The following SLC2A4 variants were observed in gnomAD, a reference collection of about 807,000 sequenced individuals.
The protein encoded by SLC2A4 is solute carrier family 2, facilitated glucose transporter member 4.
In SLC2A4, 31 loss-of-function variants were observed where a neutral mutation model predicts 53.3. The observed-to-expected ratio is 0.58, with a 90% CI of 0.44 to 0.78. The LOEUF is 0.78. Ranked by LOEUF, SLC2A4 falls within the 30% of genes least tolerant of loss-of-function variation. The pLI is 0.00. For synonymous variants in SLC2A4, 276 were observed against 281.9 expected (o/e 0.98, Z 0.21); for missense variants, 538 against 655.7 (o/e 0.82, Z 1.96).
Position 7,285,251 on chromosome 17 carries a change from C to G in SLC2A4, c.1122+62C>G, listed in dbSNP as rs2072439839. 7.4e-7 allele frequency: 1 copy of G among 1,352,700 alleles called. No homozygotes were observed. Among genetic ancestry groups the G allele is most frequent in the Non-Finnish European group, 1.0e-6 (1 of 971,466 alleles). The allele number at this position is 1,352,700 out of a possible 1,614,324, so 83.8% of individuals were successfully genotyped here. A position where few individuals can be genotyped will look rare whatever the true frequency, so the allele number is the denominator to read the frequency against. ...CCCATGGGAATGGTCCTGTGAGTCT[C>G]TGTGACCAGCCAGGGTCCCTTCTTA... On this transcript the variant is annotated intron_variant, in intron 9 of 10. Coordinates refer to ENST00000317370, the MANE Select transcript of SLC2A4 (RefSeq NM_001042.3). This position sits in a 1 kb window ranked among gnomAD's most constrained non-coding sequence, Gnocchi z 6.0.
rs1333698996 is a variant in SLC2A4, at chr17:7,284,885, T to C, written c.966T>C (p.Pro322=). ...TCGAGACAGCAGGGGTAGGCCAGCC[T>C]GCCTATGCCACCATAGGAGCTGGTG... The part of the protein sequence containing the change: ...SIFETAGVGQ[P]AYATIGAGVV... Residue 322 remains proline (P), a synonymous_variant, in exon 8 of 11, where the codon CCT becomes CCC. Coordinates refer to ENST00000317370, the MANE Select transcript of SLC2A4 (RefSeq NM_001042.3). The surrounding 1 kb of genome is among the most constrained non-coding windows in gnomAD (Gnocchi z 7.5). The C allele has an allele frequency of 1.9e-6, 3 of 1,614,026 alleles. No homozygotes were observed. In the East Asian group the frequency reaches 6.7e-5, roughly 36 times the overall value.
intron 10 of SLC2A4, 38 bp from the exon 11 acceptor site, chr17:7,286,388 C>T: frequency 6.3e-7 from 1 of 1,592,860 alleles, no homozygotes; most frequent in South Asian, 1.1e-5. Context: ...TCCCTCCCCA[C>T]CTCACTCCGT....
rs1428903102 is a variant in SLC2A4, at chr17:7,284,115, C to T, written c.564+26C>T. Reference sequence around the variant, plus strand: ...GTGACCGGAGCAAGCCTCATGGGTGCCTGGGCAGTGGTTAGAGTGGGGCTC... The same window carrying T: ...GTGACCGGAGCAAGCCTCATGGGTGTCTGGGCAGTGGTTAGAGTGGGGCTC... On this transcript the variant is annotated intron_variant, in intron 5 of 10. Coordinates refer to ENST00000317370, the MANE Select transcript of SLC2A4 (RefSeq NM_001042.3). This position sits in a 1 kb window ranked among gnomAD's most constrained non-coding sequence, Gnocchi z 7.5. 6.2e-7 allele frequency: 1 copy of T among 1,611,254 alleles called. No homozygotes were observed. The highest frequency in any genetic ancestry group is 8.5e-7 in the Non-Finnish European group (1 of 1,177,880).
Position 7,283,284 on chromosome 17 carries a change from G to C in SLC2A4, c.73G>C (p.Val25Leu), listed in dbSNP as rs143506382. The change falls in exon 2 of 11, where the codon GTC (valine) becomes CTC (leucine). Residue 25 changes from valine to leucine, a missense_variant. Physicochemically the swap from Val to Leu is conservative, Grantham distance 32. Transcript: ENST00000317370. This position sits in a 1 kb window ranked among gnomAD's most constrained non-coding sequence, Gnocchi z 5.8. ...TCAGCAGCGAGTGACTGGGACCCTG[G>C]TCCTTGCTGTGTTCTCTGCGGTGCT... ...PPQQRVTGTL[V>L]LAVFSAVLGS... 3 of 1,614,076 alleles carry C rather than the reference G, an allele frequency of 1.9e-6. No individual in the cohort carries two copies. The highest frequency in any genetic ancestry group is 2.5e-6 in the Non-Finnish European group (3 of 1,180,036).
Position 7,284,775 on chromosome 17 carries a change from G to A in SLC2A4, c.916-60G>A. ...ACACCCAGGGTAGGGCCAGCCTGTT[G>A]TGGCTGGAGTAGAGGAAGGGGCATT... On this transcript the variant is annotated intron_variant, in intron 7 of 10. Coordinates refer to ENST00000317370, the MANE Select transcript of SLC2A4 (RefSeq NM_001042.3). This position sits in a 1 kb window ranked among gnomAD's most constrained non-coding sequence, Gnocchi z 7.5. 1 of 1,608,180 alleles carries A rather than the reference G, an allele frequency of 6.2e-7. No homozygotes were observed. Among genetic ancestry groups the A allele is most frequent in the Non-Finnish European group, 8.5e-7 (1 of 1,174,558 alleles).
rs534792625 is a variant in SLC2A4, at chr17:7,283,720, A to G, written c.324-18A>G. 1.2e-6 allele frequency: 2 copies of G among 1,613,668 alleles called. No homozygotes were observed. The highest frequency in any genetic ancestry group is 4.5e-5 in the East Asian group (2 of 44,852). On this transcript the variant is annotated intron_variant, in intron 3 of 10. Transcript: ENST00000317370. The surrounding 1 kb of genome is among the most constrained non-coding windows in gnomAD (Gnocchi z 5.8). ...TGGGTGCCCTCACCCTCACAGCCTC[A>G]CTCTGTCTGCCTGCCAGGAAAAGGG...
chr17:7,285,684 C>T lies in SLC2A4; in HGVS notation c.1123-21C>T, dbSNP rs375420274. 6 of 1,612,678 alleles carry T rather than the reference C, an allele frequency of 3.7e-6. No individual in the cohort carries two copies. The highest frequency in any genetic ancestry group is 2.2e-5 in the East Asian group (1 of 44,882). ...AGAAAGGCCTCAACTGGATTCTCCA[C>T]CCTCCCTGTCTGGCCCCTAGGAGCG... On this transcript the variant is annotated intron_variant, in intron 9 of 10. Coordinates refer to ENST00000317370, the MANE Select transcript of SLC2A4 (RefSeq NM_001042.3). The surrounding 1 kb of genome is among the most constrained non-coding windows in gnomAD (Gnocchi z 6.0).
Position 7,282,291 on chromosome 17 carries a change from C to T in SLC2A4, c.33+324C>T. ...CTCGATCCGACTCGGGAAAGCAGAT[C>T]CAGGCGGGTCTTGCCCTCCGGGAGC... On this transcript the variant is annotated intron_variant, in intron 1 of 10. Transcript: ENST00000317370. This position sits in a 1 kb window ranked among gnomAD's most constrained non-coding sequence, Gnocchi z 4.1. 1 of 550,510 alleles carries T rather than the reference C, an allele frequency of 1.8e-6. No individual in the cohort carries two copies. The allele number at this position is 550,510 out of a possible 1,614,324, so 34.1% of individuals were successfully genotyped here.
Position 7,282,991 on chromosome 17 carries a change from T to C in SLC2A4, c.34-254T>C, listed in dbSNP as rs1011996445. On this transcript the variant is annotated intron_variant, in intron 1 of 10. Transcript: ENST00000317370. This position sits in a 1 kb window ranked among gnomAD's most constrained non-coding sequence, Gnocchi z 4.1. ...GCCTGTCTCAAGGTCACAGAAGAAT[T>C]TTGAGACAAGTTCTCAAACATTTCT... The C allele has an allele frequency of 2.0e-6, 1 of 497,242 alleles. No homozygotes were observed. Among genetic ancestry groups the C allele is most frequent in the Non-Finnish European group, 3.7e-6 (1 of 270,932 alleles). 30.8% of individuals were successfully genotyped at this position (497,242 alleles called of 1,614,324 possible).
Position 7,282,912 on chromosome 17 carries a change from G to A in SLC2A4, c.34-333G>A, listed in dbSNP as rs1045539783. ...CATCTCACAGAGGACACTCAGGTTC[G>A]GGGCAGGGAAGTGACTTGGCCAAGG... On this transcript the variant is annotated intron_variant, in intron 1 of 10. Coordinates refer to ENST00000317370, the MANE Select transcript of SLC2A4 (RefSeq NM_001042.3). This position sits in a 1 kb window ranked among gnomAD's most constrained non-coding sequence, Gnocchi z 4.1. 7.2e-5 allele frequency: 28 copies of A among 391,086 alleles called. No homozygotes were observed. Among genetic ancestry groups the A allele is most frequent in the South Asian group, 5.1e-4 (24 of 46,650 alleles). The allele number at this position is 391,086 out of a possible 1,614,324, so 24.2% of individuals were successfully genotyped here.
In SLC2A4 at chr17:7,283,286, C is replaced by A. The variant is rs1355407504; in HGVS notation, c.75C>A (p.Val25=). 1.9e-6 allele frequency: 3 copies of A among 1,614,018 alleles called. No homozygotes were observed. In the Admixed American group the frequency reaches 5.0e-5, roughly 27 times the overall value. The change falls in exon 2 of 11, where the codon GTC becomes GTA. Residue 25 remains valine (V), a synonymous_variant. Coordinates refer to ENST00000317370, the MANE Select transcript of SLC2A4 (RefSeq NM_001042.3). This position sits in a 1 kb window ranked among gnomAD's most constrained non-coding sequence, Gnocchi z 5.8. ...AGCAGCGAGTGACTGGGACCCTGGT[C>A]CTTGCTGTGTTCTCTGCGGTGCTTG... is the stretch of plus-strand genomic sequence containing the variant. The part of the protein sequence containing the change: ...PPQQRVTGTL[V]LAVFSAVLGS...
In SLC2A4 at chr17:7,286,643, G is replaced by A. The variant is rs769956366; in HGVS notation, c.*14G>A. 1.2e-6 allele frequency: 2 copies of A among 1,612,484 alleles called. No homozygotes were observed. The highest frequency in any genetic ancestry group is 2.2e-5 in the South Asian group (2 of 91,046). On this transcript the variant is annotated 3_prime_UTR_variant, in exon 11 of 11. Coordinates refer to ENST00000317370, the MANE Select transcript of SLC2A4 (RefSeq NM_001042.3). ...GAGAACGACTGAGGGGCCAGGCAGG[G>A]GTGGGAGAGCCAGCTCTCTCTACCC...
chr17:7,285,554 G>C lies in SLC2A4; in HGVS notation c.1123-151G>C, dbSNP rs2072442558. On this transcript the variant is annotated intron_variant, in intron 9 of 10. Coordinates refer to ENST00000317370, the MANE Select transcript of SLC2A4 (RefSeq NM_001042.3). The surrounding 1 kb of genome is among the most constrained non-coding windows in gnomAD (Gnocchi z 6.0). ...TTGAACCCACTTGGGATAGCCAGCAGAATGCCAGTCAAGGGCCTGCTCTAA... is the reference window on the plus strand; with the variant it reads ...TTGAACCCACTTGGGATAGCCAGCACAATGCCAGTCAAGGGCCTGCTCTAA... 3.9e-6 allele frequency: 3 copies of C among 764,136 alleles called. No homozygotes were observed. The highest frequency in any genetic ancestry group is 6.8e-6 in the Non-Finnish European group (3 of 438,070). The allele number at this position is 764,136 out of a possible 1,614,324, so 47.3% of individuals were successfully genotyped here.
In SLC2A4 at chr17:7,285,492, G is replaced by A. The variant is rs550357970; in HGVS notation, c.1123-213G>A. ...CTTTAGAGTCCAGGGAGAGCTGACC[G>A]TCATAAGAACTGAGAGGCCATAACA... On this transcript the variant is annotated intron_variant, in intron 9 of 10. Coordinates refer to ENST00000317370, the MANE Select transcript of SLC2A4 (RefSeq NM_001042.3). The surrounding 1 kb of genome is among the most constrained non-coding windows in gnomAD (Gnocchi z 6.0). Among the ~76,000 whole-genome samples, 4 of 152,300 alleles carry A rather than the reference G, an allele frequency of 2.6e-5. No homozygotes were observed. Among genetic ancestry groups the A allele is most frequent in the South Asian group, 2.1e-4 (1 of 4,826 alleles).
In SLC2A4 at chr17:7,285,902, T is replaced by C. The variant is rs552135741; in HGVS notation, c.1320T>C (p.Tyr440=). 2 of 1,612,354 alleles carry C rather than the reference T, an allele frequency of 1.2e-6. No individual in the cohort carries two copies. Among genetic ancestry groups the C allele is most frequent in the South Asian group, 1.1e-5 (1 of 91,088 alleles). Residue 440 remains tyrosine (Y), a synonymous_variant, in exon 10 of 11, where the codon TAT becomes TAC. Transcript: ENST00000317370. This position sits in a 1 kb window ranked among gnomAD's most constrained non-coding sequence, Gnocchi z 6.0. ...TCATCATTGGCATGGGTTTCCAGTATGTTGCGGTAGGTCCCCCCGCCCCAG... is the reference window on the plus strand; with the variant it reads ...TCATCATTGGCATGGGTTTCCAGTACGTTGCGGTAGGTCCCCCCGCCCCAG... ...SNFIIGMGFQ[Y]VAEAMGPYVF...
At position 7,283,254 on chromosome 17, in the gene SLC2A4, C is replaced by A. The variant is rs763807880; in HGVS notation, c.43C>A (p.Pro15Thr). 22 of 1,613,656 alleles carry A rather than the reference C, an allele frequency of 1.4e-5. No homozygotes were observed. Among genetic ancestry groups the A allele is most frequent in the Non-Finnish European group, 3.4e-6 (4 of 1,179,598 alleles). ...FQQIGSEDGE[P>T]PQQRVTGTLV... ...GTGTCTGCCTGTTCAGGATGGGGAA[C>A]CCCCTCAGCAGCGAGTGACTGGGAC... is the stretch of plus-strand genomic sequence containing the variant. The change falls in exon 2 of 11, where the codon CCC becomes ACC. Residue 15 changes from proline (P) to threonine (T), a missense_variant. Coordinates refer to ENST00000317370, the MANE Select transcript of SLC2A4 (RefSeq NM_001042.3). The surrounding 1 kb of genome is among the most constrained non-coding windows in gnomAD (Gnocchi z 5.8).
chr17:7,286,000 G>A lies in SLC2A4; in HGVS notation c.1326+92G>A, dbSNP rs1358155444. The A allele has an allele frequency of 2.5e-6, 3 of 1,211,178 alleles. No homozygotes were observed. The highest frequency in any genetic ancestry group is 3.0e-5 in the African/African-American group (2 of 66,098). 75.0% of individuals were successfully genotyped at this position (1,211,178 alleles called of 1,614,324 possible). On this transcript the variant is annotated intron_variant, in intron 10 of 10. Transcript: ENST00000317370. The surrounding 1 kb of genome is among the most constrained non-coding windows in gnomAD (Gnocchi z 6.0). ...TGCTTCCCCGTCAGGGACTCCTCCA[G>A]CCACAGACCATGGGTCTTTGGGTCA...
Position 7,282,071 on chromosome 17 carries a change from AG to A in SLC2A4, c.33+109del. ...CTGGGGGTGGTTCCTGCGCAGGCGC[AG>A]GGGGTGAAGGTAGGGGGCTGGCTAT... is the stretch of plus-strand genomic sequence containing the variant. On this transcript the variant is annotated intron_variant, in intron 1 of 10. Coordinates refer to ENST00000317370, the MANE Select transcript of SLC2A4 (RefSeq NM_001042.3). The surrounding 1 kb of genome is among the most constrained non-coding windows in gnomAD (Gnocchi z 4.1). 1 of 911,348 alleles carries A rather than the reference AG, an allele frequency of 1.1e-6. No individual in the cohort carries two copies. The highest frequency in any genetic ancestry group is 1.4e-5 in the South Asian group (1 of 71,276). The allele number at this position is 911,348 out of a possible 1,614,324, so 56.5% of individuals were successfully genotyped here. A position where few individuals can be genotyped will look rare whatever the true frequency, so the allele number is the denominator to read the frequency against.
At position 7,285,143 on chromosome 17, in the gene SLC2A4, G is replaced by A; in HGVS notation, c.1076G>A (p.Gly359Asp). Reference sequence around the variant, plus strand: ...ACGCTCCATCTCCTGGGCCTGGCGGGCATGTGTGGCTGTGCCATCCTGATG... The same window carrying A: ...ACGCTCCATCTCCTGGGCCTGGCGGACATGTGTGGCTGTGCCATCCTGATG... Reference protein sequence around the residue: ...RRTLHLLGLAGMCGCAILMTV... With the variant: ...RRTLHLLGLADMCGCAILMTV... Residue 359 changes from glycine (G) to aspartate (D), a missense_variant, in exon 9 of 11, where the codon GGC (glycine) becomes GAC (aspartate). By Grantham distance (94) the Gly-to-Asp change is moderately conservative. Transcript: ENST00000317370. The surrounding 1 kb of genome is among the most constrained non-coding windows in gnomAD (Gnocchi z 6.0). 1.2e-6 allele frequency: 2 copies of A among 1,604,066 alleles called. No individual in the cohort carries two copies. The highest frequency in any genetic ancestry group is 1.7e-6 in the Non-Finnish European group (2 of 1,176,930).
Sources: allele counts gnomAD v4.1 joint callset (sites outside exome capture counted in the v4.1 genomes callset), GRCh38; gene constraint gnomAD v4.1.1; non-coding constraint Gnocchi (gnomAD v3.1); transcripts MANE v1.5; gene names NCBI Gene and HGNC (gene_info 2026-07-23, HGNC 2026-07-21).